SHCBP1L: variants seen among roughly 807,000 people sequenced by gnomAD.
SHCBP1L encodes the protein SHC binding and spindle associated 1 like.
SHCBP1L carries 67 observed loss-of-function variants against 62.5 expected under a neutral mutation model. The ratio of observed to expected loss-of-function variants is 1.07; its 90% CI spans 0.88 to 1.31. SHCBP1L has a LOEUF of 1.31. Ranked by LOEUF, SHCBP1L falls within the 40% of genes most tolerant of loss-of-function variation. The probability of loss-of-function intolerance (pLI) is 0.00; values close to 1 mark genes in which losing one functional copy is unlikely to be tolerated. For synonymous variants in SHCBP1L, 284 were observed against 289.4 expected (o/e 0.98, Z 0.19); for missense variants, 823 against 809.8 (o/e 1.02, Z -0.20).
intron 6 of SHCBP1L, among the ~76,000 whole-genome samples, chr1:182,915,102 C>T (rs1486107544): frequency 8.1e-6 from 1 of 123,790 alleles, no homozygotes; most frequent in Non-Finnish European, 1.6e-5. Context: ...GCGGAAGTTG[C>T]AGTGAGCTGA....
chr1:182,922,464 G>A lies in SHCBP1L; in HGVS notation c.1182+7183C>T, dbSNP rs140590769. ...AGCTACTTGGGAGGCCAAGGCAGGA[G>A]AATCGCTTGAATCTGGAAGGTGGAG... is the stretch of plus-strand genomic sequence containing the variant. On this transcript the variant is annotated intron_variant, in intron 6 of 9. Coordinates refer to ENST00000367547, the MANE Select transcript of SHCBP1L (RefSeq NM_030933.4). 3.0e-3 allele frequency among the ~76,000 whole-genome samples: 458 copies of A among 151,684 alleles called. 2 individuals are homozygous for A. Among genetic ancestry groups the A allele is most frequent in the African/African-American group, 0.01 (434 of 41,346 alleles).
At chr1:182,916,964 AAAT>A (rs1311438695) in intron 6 of SHCBP1L, among the ~76,000 whole-genome samples, 1 of 152,192 alleles carries the variant, frequency 6.6e-6, no homozygotes, top group African/African-American at 2.4e-5. Flanking sequence ...CTGGGTGATG[AAAT>A]AATATGTATA....
chr1:182,927,671 C>CAA (rs1049517840), intron 6 of SHCBP1L, among the ~76,000 whole-genome samples: 5,592 of 72,392 alleles, frequency 0.077, 510 homozygotes, highest in African/African-American at 0.19. Context: ...GACTCCGTCT[C>CAA]AAAAAAAAAA....
At chr1:182,926,832 A>G (rs1161611944) in intron 6 of SHCBP1L, among the ~76,000 whole-genome samples, 1 of 151,980 alleles carries the variant, frequency 6.6e-6, no homozygotes, top group Non-Finnish European at 1.5e-5. Context: ...AGCATTTACT[A>G]TGTGCTGGGC....
chr1:182,946,038 C>T (rs1402606267), intron 2 of SHCBP1L, among the ~76,000 whole-genome samples: 1 of 142,618 alleles, frequency 7.0e-6, no homozygotes, highest in Non-Finnish European at 1.5e-5. Flanking sequence ...CCAGCCTGGG[C>T]AACAGAGCAA....
intron 2 of SHCBP1L, among the ~76,000 whole-genome samples, chr1:182,950,370 G>C (rs1651706217): frequency 6.6e-6 from 1 of 152,082 alleles, no homozygotes; most frequent in Non-Finnish European, 1.5e-5. Flanking sequence ...ACTCATGCCT[G>C]TAATCCCAGC....
intron 2 of SHCBP1L, among the ~76,000 whole-genome samples, chr1:182,948,046 A>G (rs1357075339): frequency 6.6e-6 from 1 of 152,192 alleles, no homozygotes; most frequent in Non-Finnish European, 1.5e-5. Context: ...TGTTTATCAT[A>G]TTTATGACAT....
At chr1:182,919,147 G>T (rs1347229677) in intron 6 of SHCBP1L, among the ~76,000 whole-genome samples, 1 of 152,198 alleles carries the variant, frequency 6.6e-6, no homozygotes, top group Non-Finnish European at 1.5e-5. Context: ...ATAAATTTCT[G>T]CCTTAGTCTA....
intron 6 of SHCBP1L, among the ~76,000 whole-genome samples, chr1:182,924,965 AGAAAGAAAG>A (rs1650685461): frequency 7.6e-6 from 1 of 132,270 alleles, no homozygotes; most frequent in Non-Finnish European, 1.7e-5. Context: ...AAAGAAAGAA[AGAAAGAAAG>A]AAAAAAAAAG....
intron 2 of SHCBP1L, among the ~76,000 whole-genome samples, chr1:182,941,253 C>CAAA (rs368017905): frequency 2.1e-4 from 12 of 57,470 alleles, no homozygotes; most frequent in African/African-American, 5.4e-4. Context: ...ACTCAAACAC[C>CAAA]AAAAAAAAAA....
In SHCBP1L at chr1:182,899,967, C is replaced by CTA. The variant is rs757150667; in HGVS notation, c.*15_*16insTA. 3.1e-5 allele frequency: 48 copies of CTA among 1,562,160 alleles called. No homozygotes were observed. In the African/African-American group the frequency reaches 6.2e-4, roughly 20 times the overall value. Reference sequence around the variant, plus strand: ...AAATTTGTGAAATATAAAACTTTAACATCAATTCAGACGCTTTAACTTGTG... The same window carrying CTA: ...AAATTTGTGAAATATAAAACTTTAACTAATCAATTCAGACGCTTTAACTTGTG... On this transcript the variant is annotated 3_prime_UTR_variant, in exon 10 of 10. Transcript: ENST00000367547.
At chr1:182,938,742 G>A (rs1371399482) in intron 5 of SHCBP1L, among the ~76,000 whole-genome samples, 2 of 152,126 alleles carry the variant, frequency 1.3e-5, no homozygotes, top group East Asian at 3.9e-4. Flanking sequence ...CCAAAGTATT[G>A]GGATTACAGG....
intron 7 of SHCBP1L, among the ~76,000 whole-genome samples, chr1:182,904,946 T>C (rs1216909785): frequency 2.0e-5 from 3 of 151,984 alleles, no homozygotes; most frequent in Admixed American, 6.6e-5. Flanking sequence ...GGGGTTTCAC[T>C]ATGTTGCCCA....
chr1:182,919,965 C>T (rs3130494), intron 6 of SHCBP1L, among the ~76,000 whole-genome samples: 45,548 of 151,902 alleles, frequency 0.3, 7,252 homozygotes, highest in Middle Eastern at 0.36. Flanking sequence ...CCCTCCCCTA[C>T]CAGCACACAT....
chr1:182,933,480 T>C (rs930403233), intron 5 of SHCBP1L, among the ~76,000 whole-genome samples: 14 of 152,196 alleles, frequency 9.2e-5, no homozygotes, highest in East Asian at 1.9e-4. Flanking sequence ...GAGTTTTTCA[T>C]AGATAGCCTT....
intron 5 of SHCBP1L, among the ~76,000 whole-genome samples, chr1:182,935,346 T>C (rs1651132208): frequency 6.6e-6 from 1 of 152,188 alleles, no homozygotes; most frequent in Admixed American, 6.5e-5. Context: ...CATCAGTGTA[T>C]TGTAGCTTTC....
intron 2 of SHCBP1L, among the ~76,000 whole-genome samples, chr1:182,942,691 C>T (rs924322169): frequency 2.6e-5 from 4 of 152,188 alleles, no homozygotes; most frequent in Admixed American, 6.5e-5. Context: ...CACATTAATA[C>T]AAATTTTAAA....
intron 6 of SHCBP1L, among the ~76,000 whole-genome samples, chr1:182,907,358 G>C (rs575960621): frequency 1.3e-5 from 2 of 150,192 alleles, no homozygotes; most frequent in African/African-American, 4.9e-5. Flanking sequence ...GCTTGAACCC[G>C]GGAGGCAGAG....
chr1:182,908,523 G>A (rs992287316), intron 6 of SHCBP1L, among the ~76,000 whole-genome samples: 4 of 152,100 alleles, frequency 2.6e-5, no homozygotes, highest in African/African-American at 9.7e-5. Context: ...CACCATCAAT[G>A]GGCACCTCGG....
Sources: allele counts gnomAD v4.1 joint callset (sites outside exome capture counted in the v4.1 genomes callset), GRCh38; gene constraint gnomAD v4.1.1; transcripts MANE v1.5; gene names NCBI Gene and HGNC (gene_info 2026-07-23, HGNC 2026-07-21).